AP3B1: variants seen among roughly 807,000 people sequenced by gnomAD.
AP3B1 encodes the protein adaptor related protein complex 3 subunit beta 1.
In AP3B1, 61 loss-of-function variants were observed where a neutral mutation model predicts 132.5. The observed-to-expected ratio is 0.46, with a 90% CI of 0.37 to 0.57. The LOEUF (loss-of-function observed/expected upper bound fraction) is 0.57. Among genes scored for constraint, AP3B1 ranks in the 20% least tolerant of loss-of-function variants. The probability of loss-of-function intolerance (pLI) is 0.00; values close to 1 mark genes in which losing one functional copy is unlikely to be tolerated. For missense variants in AP3B1, 1,120 were observed against 1,289.4 expected (o/e 0.87, Z 2.01); for synonymous variants, 388 against 438.3 (o/e 0.89, Z 1.43).
rs1483697804 is a variant in AP3B1 at position 78,126,274 on chromosome 5, G to A, written c.1968+1756C>T. The stretch of plus-strand genomic sequence containing the variant: ...AATCCCAGCACTTTGGTAGGCTGAG[G>A]CGGGCAGATCACTTGAGGTCACGAG... On this transcript the variant is annotated intron_variant, in intron 17 of 26. Coordinates refer to ENST00000255194, the MANE Select transcript of AP3B1 (RefSeq NM_003664.5). Among the ~76,000 whole-genome samples the A allele has an allele frequency of 2.0e-5, 3 of 151,888 alleles. No homozygotes were observed. The South Asian group carries it at 6.2e-4, about 31-fold the overall frequency.
intron 9 of AP3B1, 101 bp downstream of exon 9, chr5:78,177,238 A>T: frequency 1.3e-6 from 1 of 765,578 alleles, no homozygotes; most frequent in Non-Finnish European, 2.2e-6. Flanking sequence ...TGATTAAAAT[A>T]TAGTCAGAGT....
chr5:78,024,561 ATTTTTTT>A (rs70997962), intron 24 of AP3B1, among the ~76,000 whole-genome samples: 2 of 113,478 alleles, frequency 1.8e-5, no homozygotes, highest in Non-Finnish European at 3.5e-5. Flanking sequence ...AGCTAATTTA[ATTTTTTT>A]TTTTTTTTTT....
At chr5:78,134,779 G>A (rs1752839906) in intron 15 of AP3B1, among the ~76,000 whole-genome samples, 1 of 152,182 alleles carries the variant, frequency 6.6e-6, no homozygotes, top group South Asian at 2.1e-4. Context: ...CTGACCTCAG[G>A]TGATCTGCCC....
intron 16 of AP3B1, among the ~76,000 whole-genome samples, chr5:78,128,372 AGT>A (rs2112299369): frequency 6.6e-6 from 1 of 152,296 alleles, no homozygotes; most frequent in South Asian, 2.1e-4. Flanking sequence ...CTAATCAGTC[AGT>A]GTGTTTAGAG....
At chr5:78,173,130 T>A (rs890680612) in intron 11 of AP3B1, among the ~76,000 whole-genome samples, 1 of 152,228 alleles carries the variant, frequency 6.6e-6, no homozygotes, top group African/African-American at 2.4e-5. Flanking sequence ...GAGAGTTTGT[T>A]GTGATTTCTG....
At chr5:78,103,397 C>T (rs113609149) in intron 20 of AP3B1, among the ~76,000 whole-genome samples, 3,946 of 152,022 alleles carry the variant, frequency 0.026, 182 homozygotes, top group African/African-American at 0.09. Context: ...AATTTCACAC[C>T]GCAGCATGAG....
At chr5:78,271,903 AGC>A (rs1748559978) in intron 1 of AP3B1, among the ~76,000 whole-genome samples, 1 of 152,238 alleles carries the variant, frequency 6.6e-6, no homozygotes, top group Non-Finnish European at 1.5e-5. Flanking sequence ...CCTGCAAAGC[AGC>A]CTTTTGTGGA....
At chr5:78,143,700 A>C (rs75541433) in intron 14 of AP3B1, among the ~76,000 whole-genome samples, 269 of 152,264 alleles carry the variant, frequency 1.8e-3, no homozygotes, top group African/African-American at 6.0e-3. Flanking sequence ...ACCTGAAAAA[A>C]AGGCAAGTAA....
At chr5:78,270,570 G>C (rs1748507213) in intron 1 of AP3B1, among the ~76,000 whole-genome samples, 1 of 152,212 alleles carries the variant, frequency 6.6e-6, no homozygotes, top group Non-Finnish European at 1.5e-5. Flanking sequence ...TTTAGGCATA[G>C]AGAACCACTC....
chr5:78,061,134 G>GA (rs879781378), intron 22 of AP3B1, among the ~76,000 whole-genome samples: 645 of 117,982 alleles, frequency 5.5e-3, no homozygotes, highest in Admixed American at 7.1e-3. Flanking sequence ...GTCAAACATA[G>GA]AAAAAAAAAA....
chr5:78,178,192 A>T (rs751374676), intron 8 of AP3B1, among the ~76,000 whole-genome samples: 1 of 152,228 alleles, frequency 6.6e-6, no homozygotes, highest in Non-Finnish European at 1.5e-5. Flanking sequence ...GCTGAAATAA[A>T]GAAAACTCAG....
rs1247412902 is a variant in AP3B1 at position 78,279,334 on chromosome 5, ACT to A, written c.129-11741_129-11740del. ...GGTTTTATTTTCTGAAGCTTATAAC[ACT>A]GTCTTATTTTAGTATCACAAAGTCT... On this transcript the variant is annotated intron_variant, in intron 1 of 26. Coordinates refer to ENST00000255194, the MANE Select transcript of AP3B1 (RefSeq NM_003664.5). Among the ~76,000 whole-genome samples, 4 of 152,260 alleles carry A rather than the reference ACT, an allele frequency of 2.6e-5. No individual in the cohort carries two copies. In the South Asian group the frequency reaches 6.2e-4, roughly 24 times the overall value.
At chr5:78,008,692 CTATT>C (rs1472409061) in intron 26 of AP3B1, among the ~76,000 whole-genome samples, 1 of 152,114 alleles carries the variant, frequency 6.6e-6, no homozygotes, top group African/African-American at 2.4e-5. Context: ...ATACTTAAAA[CTATT>C]TATACAAAAT....
chr5:78,053,037 A>G (rs184527103), intron 22 of AP3B1, among the ~76,000 whole-genome samples: 85 of 152,348 alleles, frequency 5.6e-4, no homozygotes, highest in African/African-American at 1.9e-3. Context: ...CAGAAGCCCA[A>G]AACAATTATG....
intron 22 of AP3B1, among the ~76,000 whole-genome samples, chr5:78,068,358 A>AGG (rs1554062238): frequency 9.3e-5 from 14 of 150,952 alleles, no homozygotes; most frequent in East Asian, 3.9e-4. Flanking sequence ...AAGAAGAAGA[A>AGG]AGAAGGAGAA....
intron 2 of AP3B1, 52 bp downstream of exon 2, chr5:78,267,468 A>G: frequency 1.0e-6 from 1 of 958,028 alleles, no homozygotes; most frequent in Non-Finnish European, 1.7e-6. Context: ...TAATAATATG[A>G]TCACTGCTTG....
chr5:78,281,537 C>T (rs1641542974), intron 1 of AP3B1, among the ~76,000 whole-genome samples: 1 of 150,144 alleles, frequency 6.7e-6, no homozygotes, highest in Admixed American at 6.6e-5. Context: ...TGTAGTTTTA[C>T]ATTTTTGAAA....
chr5:78,015,363 C>T, intron 26 of AP3B1, 47 bp downstream of exon 26: 1 of 1,585,048 alleles, frequency 6.3e-7, no homozygotes, highest in Non-Finnish European at 8.7e-7. Context: ...TATATTTATA[C>T]ATATTCAAGT....
chr5:78,241,387 A>G (rs1747131542), intron 2 of AP3B1, among the ~76,000 whole-genome samples: 1 of 152,050 alleles, frequency 6.6e-6, no homozygotes, highest in Non-Finnish European at 1.5e-5. Flanking sequence ...GAGACAGGGT[A>G]CCACTATGTT....
Sources: gnomAD v4.1 joint callset for allele counts (sites outside exome capture counted in the v4.1 genomes callset) on GRCh38, gnomAD v4.1.1 for gene constraint, MANE v1.5 for transcripts, NCBI Gene and HGNC (gene_info 2026-07-23, HGNC 2026-07-21) for gene names.